Variants in DCDC1 observed in about 807,000 individuals in gnomAD.
The protein encoded by DCDC1 is doublecortin domain containing 1.
A neutral mutation model predicts 178.3 loss-of-function variants in DCDC1; 200 were observed. The observed-to-expected ratio is 1.12, with a 90% CI of 1.00 to 1.26. The LOEUF (loss-of-function observed/expected upper bound fraction) is 1.26. Ranked by LOEUF, DCDC1 falls within the 50% of genes most tolerant of loss-of-function variation. DCDC1 has a pLI of 0.00. For missense variants in DCDC1, 1,983 were observed against 1,749.2 expected (o/e 1.13, Z -2.38); for synonymous variants, 690 against 604.8 (o/e 1.14, Z -2.07).
intron 36 of DCDC1, among the ~76,000 whole-genome samples, chr11:30,891,334 A>G (rs1943753613): frequency 6.6e-6 from 1 of 152,164 alleles, no homozygotes; most frequent in African/African-American, 2.4e-5. Context: ...AGAGTCATGA[A>G]ATGCCTTTTA....
intron 9 of DCDC1, among the ~76,000 whole-genome samples, chr11:31,142,921 T>C (rs1964006133): frequency 6.6e-6 from 1 of 152,146 alleles, no homozygotes; most frequent in African/African-American, 2.4e-5. Flanking sequence ...AAGGAGGGTA[T>C]TGGGAACCTG....
intron 20 of DCDC1, among the ~76,000 whole-genome samples, chr11:31,031,324 C>T (rs531845209): frequency 6.6e-6 from 1 of 152,154 alleles, no homozygotes; most frequent in African/African-American, 2.4e-5. Flanking sequence ...AAATCCATAT[C>T]ATTGTGCTTT....
intron 9 of DCDC1, among the ~76,000 whole-genome samples, chr11:31,226,095 T>G (rs1294661618): frequency 6.6e-6 from 1 of 152,082 alleles, no homozygotes; most frequent in African/African-American, 2.4e-5. Flanking sequence ...TATTTGTATT[T>G]GGAATATAAT....
intron 9 of DCDC1, among the ~76,000 whole-genome samples, chr11:31,220,470 T>G (rs370153660): frequency 1.3e-5 from 2 of 152,214 alleles, no homozygotes; most frequent in South Asian, 2.1e-4. Flanking sequence ...AAATCCAAAA[T>G]GGTTTTGAGC....
intron 9 of DCDC1, among the ~76,000 whole-genome samples, chr11:31,149,404 T>C (rs576898712): frequency 7.0e-4 from 107 of 152,116 alleles, no homozygotes; most frequent in Middle Eastern, 3.4e-3. Context: ...ATCAGCACTC[T>C]GTAAAATGGA....
At chr11:31,342,392 AG>A (rs1299585820) in intron 1 of DCDC1, among the ~76,000 whole-genome samples, 7 of 152,232 alleles carry the variant, frequency 4.6e-5, no homozygotes, top group Non-Finnish European at 1.0e-4. Flanking sequence ...TGTGCAAAAC[AG>A]GGTAACTACA....
intron 11 of DCDC1, among the ~76,000 whole-genome samples, chr11:31,112,638 C>T (rs938811359): frequency 1.3e-5 from 2 of 152,162 alleles, no homozygotes; most frequent in African/African-American, 4.8e-5. Flanking sequence ...TGTTGAAAAA[C>T]ATAGTAGCTA....
intron 1 of DCDC1, among the ~76,000 whole-genome samples, chr11:31,364,499 G>A (rs1951864445): frequency 6.6e-6 from 1 of 152,116 alleles, no homozygotes; most frequent in East Asian, 1.9e-4. Context: ...TAGGAAAACA[G>A]GAACATAAAT....
intron 11 of DCDC1, among the ~76,000 whole-genome samples, chr11:31,118,930 T>C (rs1424409967): frequency 1.3e-5 from 2 of 152,138 alleles, no homozygotes; most frequent in African/African-American, 4.8e-5. Context: ...AAAAGGAAGA[T>C]TGTATCTTCC....
At chr11:31,091,926 A>C (rs1438611712) in intron 16 of DCDC1, among the ~76,000 whole-genome samples, 1 of 152,218 alleles carries the variant, frequency 6.6e-6, no homozygotes, top group Non-Finnish European at 1.5e-5. Flanking sequence ...GTATCAATTT[A>C]AAGTTTTACT....
intron 3 of DCDC1, among the ~76,000 whole-genome samples, chr11:31,324,502 G>A (rs1477655887): frequency 6.6e-6 from 1 of 151,112 alleles, no homozygotes; most frequent in Non-Finnish European, 1.5e-5. Flanking sequence ...ATGTAGATCT[G>A]CAGAAATATT....
intron 9 of DCDC1, among the ~76,000 whole-genome samples, chr11:31,170,361 C>G (rs1235253502): frequency 6.6e-6 from 1 of 152,106 alleles, no homozygotes; most frequent in East Asian, 1.9e-4. Context: ...CTATAAATCC[C>G]AAAACTAGAT....
intron 20 of DCDC1, among the ~76,000 whole-genome samples, chr11:30,987,332 A>C (rs564527128): frequency 6.6e-6 from 1 of 152,188 alleles, no homozygotes; most frequent in Non-Finnish European, 1.5e-5. Flanking sequence ...CTTTGTTTTT[A>C]AGGGAGAGAA....
intron 20 of DCDC1, among the ~76,000 whole-genome samples, chr11:31,050,377 C>T (rs1955160743): frequency 6.6e-6 from 1 of 152,216 alleles, no homozygotes; most frequent in African/African-American, 2.4e-5. Context: ...TGAGCTCAGA[C>T]ACGCCTACCC....
intron 9 of DCDC1, among the ~76,000 whole-genome samples, chr11:31,240,752 C>T (rs963409765): frequency 6.6e-6 from 1 of 151,972 alleles, no homozygotes; most frequent in Admixed American, 6.6e-5. Flanking sequence ...TTAAATGTGG[C>T]AATTCCATTT....
At chr11:31,147,747 T>C (rs1964603071) in intron 9 of DCDC1, among the ~76,000 whole-genome samples, 1 of 152,148 alleles carries the variant, frequency 6.6e-6, no homozygotes, top group Non-Finnish European at 1.5e-5. Flanking sequence ...CCAGGCTAAC[T>C]TAGGCAAAAC....
Position 30,911,307 on chromosome 11 carries a change from T to C in DCDC1, c.3747+20A>G. On this transcript the variant is annotated intron_variant, in intron 28 of 38. Transcript: ENST00000684477. ...TTTAATTAAAAGGCCATGACTAATCTTTAGCCATACATATCTTACCTGAAC... is the reference window on the plus strand; with the variant it reads ...TTTAATTAAAAGGCCATGACTAATCCTTAGCCATACATATCTTACCTGAAC... The C allele has an allele frequency of 6.4e-7, 1 of 1,570,366 alleles. No homozygotes were observed. Among genetic ancestry groups the C allele is most frequent in the Non-Finnish European group, 8.7e-7 (1 of 1,151,264 alleles).
Position 31,086,579 on chromosome 11 carries a change from T to C in DCDC1, c.2237+4814A>G, listed in dbSNP as rs185982850. Among the ~76,000 whole-genome samples the C allele has an allele frequency of 3.0e-3, 460 of 152,312 alleles. 7 individuals are homozygous for C. The highest frequency in any genetic ancestry group is 1.3e-3 in the Non-Finnish European group (90 of 68,014). The stretch of plus-strand genomic sequence containing the variant: ...AAGTGTAACTTGTCGATTTTTATTT[T>C]TGTGGATCATGCTTTTGGTGTCATA... On this transcript the variant is annotated intron_variant, in intron 17 of 38. Transcript: ENST00000684477.
At chr11:31,172,830 G>T (rs1967428713) in intron 9 of DCDC1, among the ~76,000 whole-genome samples, 1 of 152,114 alleles carries the variant, frequency 6.6e-6, no homozygotes, top group Non-Finnish European at 1.5e-5. Flanking sequence ...GTTAATTTAG[G>T]AATGGAGAGA....
Sources: allele counts gnomAD v4.1 joint callset (sites outside exome capture counted in the v4.1 genomes callset), GRCh38; gene constraint gnomAD v4.1.1; transcripts MANE v1.5; gene names NCBI Gene and HGNC (gene_info 2026-07-23, HGNC 2026-07-21).